The following RBM47 variants were observed in gnomAD, a reference collection of about 807,000 sequenced individuals.
RBM47 encodes RNA-binding protein 47.
A neutral mutation model predicts 47.1 loss-of-function variants in RBM47; 21 were observed. The ratio of observed to expected loss-of-function variants is 0.45; its 90% CI spans 0.32 to 0.64. RBM47 has a LOEUF of 0.64. Among genes scored for constraint, RBM47 ranks in the 30% least tolerant of loss-of-function variants. The probability of loss-of-function intolerance (pLI) is 0.05; values close to 1 mark genes in which losing one functional copy is unlikely to be tolerated. For synonymous variants in RBM47, 375 were observed against 361.7 expected, an observed-to-expected ratio of 1.04 and a Z score of -0.42; for missense variants, 708 against 870.9, an observed-to-expected ratio of 0.81 and a Z score of 2.35.
At chr4:40,445,983 G>A (rs1490436152) in intron 3 of RBM47, among the ~76,000 whole-genome samples, 1 of 152,200 alleles carries the variant, frequency 6.6e-6, no homozygotes, top group African/African-American at 2.4e-5. Flanking sequence ...TGGGCATTCT[G>A]GTTTAGGCTT....
intron 4 of RBM47, among the ~76,000 whole-genome samples, chr4:40,437,107 AT>A (rs1712662716): frequency 1.2e-5 from 1 of 84,050 alleles, no homozygotes; most frequent in Non-Finnish European, 2.1e-5. Context: ...ATATATATAT[AT>A]ATAAAATACA....
At chr4:40,429,423 T>C (rs1715545461) in intron 6 of RBM47, among the ~76,000 whole-genome samples, 2 of 151,800 alleles carry the variant, frequency 1.3e-5, no homozygotes, top group African/African-American at 4.8e-5. Context: ...ATTAGTTTGG[T>C]AATATCTGTG....
At chr4:40,568,884 G>C (rs184518268) in intron 1 of RBM47, among the ~76,000 whole-genome samples, 1 of 152,028 alleles carries the variant, frequency 6.6e-6, no homozygotes, top group Non-Finnish European at 1.5e-5. Flanking sequence ...GGGAGGCTGA[G>C]GCAGGAGAAT....
chr4:40,430,282 G>A (rs953430777), intron 6 of RBM47, among the ~76,000 whole-genome samples: 6 of 152,088 alleles, frequency 3.9e-5, no homozygotes, highest in African/African-American at 1.2e-4. Context: ...CAGCCAGTGC[G>A]GACTGATAGG....
rs1261978636 is a variant in RBM47, at chr4:40,436,569, T to C, written c.1202A>G (p.Tyr401Cys). The C allele has an allele frequency of 1.9e-6, 3 of 1,614,056 alleles. No individual in the cohort carries two copies. Among genetic ancestry groups the C allele is most frequent in the Non-Finnish European group, 2.5e-6 (3 of 1,180,034 alleles). Residue 401 changes from tyrosine to cysteine, a missense_variant, in exon 5 of 7, where the codon TAT becomes TGT. Tyr to Cys is a radical substitution (Grantham distance 194, BLOSUM62 -2). Transcript: ENST00000295971. ...PGPRGSYLGG[Y>C]SAGRGIYSRY... ...GCTATATATACCACGACCAGCAGAA[T>C]ATCCCCCGAGGTAGGAACCCCTAGG...
At chr4:40,426,200 A>C in intron 6 of RBM47, 57 bp from the exon 7 acceptor site, 1 of 1,562,878 alleles carries the variant, frequency 6.4e-7, no homozygotes, top group South Asian at 1.2e-5. Flanking sequence ...CCTATCATCC[A>C]TTCATTCAAC....
In RBM47 at chr4:40,425,410, T is replaced by C. The variant is rs1264242037; in HGVS notation, c.*494A>G. The C allele has an allele frequency of 6.5e-6, 1 of 153,812 alleles. No individual in the cohort carries two copies. The highest frequency in any genetic ancestry group is 2.0e-4 in the South Asian group (1 of 4,908). 9.5% of individuals were successfully genotyped at this position (153,812 alleles called of 1,614,324 possible). A position where few individuals can be genotyped will look rare whatever the true frequency, so the allele number is the denominator to read the frequency against. On this transcript the variant is annotated 3_prime_UTR_variant, in exon 7 of 7. Transcript: ENST00000295971. ...CTTTCCAGTATAACCTTTAAAATAA[T>C]GCTTTATGTAGTATTTTTAAGCACT...
At chr4:40,572,441 GA>G (rs1048128723) in intron 1 of RBM47, among the ~76,000 whole-genome samples, 14 of 151,862 alleles carry the variant, frequency 9.2e-5, no homozygotes, top group African/African-American at 3.4e-4. Flanking sequence ...GTTAAGTGAA[GA>G]AAAACAAGCT....
At chr4:40,573,801 G>GAGAGAA (rs1560479011) in intron 1 of RBM47, among the ~76,000 whole-genome samples, 1 of 102,694 alleles carries the variant, frequency 9.7e-6, no homozygotes, top group African/African-American at 5.9e-5. Flanking sequence ...GAGAGAGAAA[G>GAGAGAA]AAAGAAAAAG....
At chr4:40,569,052 TAG>T (rs1731422294) in intron 1 of RBM47, among the ~76,000 whole-genome samples, 1 of 142,302 alleles carries the variant, frequency 7.0e-6, no homozygotes, top group African/African-American at 2.8e-5. Flanking sequence ...GACAGACAGA[TAG>T]ATAGATAGTA....
At position 40,432,666 on chromosome 4, in the gene RBM47, C is replaced by T. The variant is rs767795669; in HGVS notation, c.1527G>A (p.Thr509=). The T allele has an allele frequency of 1.9e-6, 3 of 1,610,324 alleles. No individual in the cohort carries two copies. The highest frequency in any genetic ancestry group is 2.5e-6 in the Non-Finnish European group (3 of 1,179,400). ...AGAACTCTACCTGGAAAGGTGGTGG[C>T]GTCGACACAGTGGGAATGACAGCGG... ...AAAAVIPTVS[T]PPPFQGRPIT... Residue 509 remains threonine, a synonymous_variant, in exon 6 of 7, where the codon ACG becomes ACA. Transcript: ENST00000295971.
chr4:40,456,932 A>AG (rs138364908), intron 3 of RBM47, among the ~76,000 whole-genome samples: 5,190 of 152,126 alleles, frequency 0.034, 119 homozygotes, highest in Middle Eastern at 0.051. Flanking sequence ...ACTGAGAAGG[A>AG]GGGCGATCAT....
chr4:40,441,937 T>C (rs376665675), intron 3 of RBM47, among the ~76,000 whole-genome samples: 2 of 152,236 alleles, frequency 1.3e-5, no homozygotes, highest in African/African-American at 4.8e-5. Flanking sequence ...AAACAAACCA[T>C]GTTAGCGACC....
chr4:40,477,660 C>T (rs1719811668), intron 2 of RBM47, among the ~76,000 whole-genome samples: 2 of 151,936 alleles, frequency 1.3e-5, no homozygotes, highest in Non-Finnish European at 2.9e-5. Context: ...ATAACTTAGG[C>T]AAAAACATAG....
At position 40,584,313 on chromosome 4, in the gene RBM47, A is replaced by C. The variant is rs148553164; in HGVS notation, c.-239-39807T>G. ...ACGTCACACATCATGACACTCCCCC[A>C]AGGTAAGCTGGTAAAAACCCTGTGA... On this transcript the variant is annotated intron_variant, in intron 1 of 6. Transcript: ENST00000295971. Among the ~76,000 whole-genome samples, 307 of 152,234 alleles carry C rather than the reference A, an allele frequency of 2.0e-3. 4 individuals carry two copies. Among genetic ancestry groups the C allele is most frequent in the Admixed American group, 0.014 (216 of 15,280 alleles).
Position 40,569,570 on chromosome 4 carries a change from C to T in RBM47, c.-239-25064G>A, listed in dbSNP as rs534225678. Among the ~76,000 whole-genome samples, 71 of 147,930 alleles carry T rather than the reference C, an allele frequency of 4.8e-4. 1 individual carries two copies. The East Asian group carries it at 9.8e-3, about 20-fold the overall frequency. ...GACTACAGGCGCCCACCACCACACC[C>T]GGCTAATTTTTTGTATTTTTAGTAA... On this transcript the variant is annotated intron_variant, in intron 1 of 6. Transcript: ENST00000295971.
chr4:40,573,154 A>G (rs1227095037), intron 1 of RBM47, among the ~76,000 whole-genome samples: 2 of 111,328 alleles, frequency 1.8e-5, no homozygotes, highest in East Asian at 2.2e-4. Flanking sequence ...CTTCATCTCA[A>G]AAAAAAAAAA....
chr4:40,529,845 T>C (rs199556420), intron 2 of RBM47, among the ~76,000 whole-genome samples: 183 of 88,824 alleles, frequency 2.1e-3, no homozygotes, highest in African/African-American at 7.4e-3. Context: ...AATAAATAAA[T>C]AAATAAATAA....
intron 1 of RBM47, among the ~76,000 whole-genome samples, chr4:40,619,811 C>T (rs1466073553): frequency 6.6e-6 from 1 of 152,202 alleles, no homozygotes; most frequent in Non-Finnish European, 1.5e-5. Flanking sequence ...CTCCACCCAA[C>T]AAAGAAAGTC....
Sources: allele counts gnomAD v4.1 joint callset (sites outside exome capture counted in the v4.1 genomes callset), GRCh38; gene constraint gnomAD v4.1.1; transcripts MANE v1.5; gene names NCBI Gene and HGNC (gene_info 2026-07-23, HGNC 2026-07-21).